Variants in BRD4 observed in about 807,000 individuals in gnomAD.
BRD4 encodes the protein bromodomain containing 4.
Under a neutral mutation model 142.1 loss-of-function variants are expected in BRD4, and 16 were observed. The ratio of observed to expected loss-of-function variants is 0.11; its 90% confidence interval spans 0.08 to 0.17. BRD4 has a LOEUF of 0.17. BRD4 is among the 10% of genes least tolerant of loss of function. BRD4 has a pLI of 1.00. For missense variants in BRD4, 1,424 were observed against 1,810.9 expected (o/e 0.79, Z 3.88); for synonymous variants, 833 against 707.5 (o/e 1.18, Z -2.82).
intron 1 of BRD4, among the ~76,000 whole-genome samples, chr19:15,321,286 G>GA (rs756900485): frequency 1.7e-4 from 25 of 150,486 alleles, no homozygotes; most frequent in South Asian, 1.5e-3. Context: ...AAAAGAGAAA[G>GA]AAGGAAGGAA....
intron 7 of BRD4, among the ~76,000 whole-genome samples, chr19:15,262,736 A>G (rs908991094): frequency 3.3e-5 from 5 of 151,804 alleles, no homozygotes; most frequent in Non-Finnish European, 7.4e-5. Context: ...TAATTAAAAC[A>G]AAAAAAATAG....
At position 15,256,225 on chromosome 19, in the gene BRD4, C is replaced by T. The variant is rs148266455; in HGVS notation, c.1590G>A (p.Gln530=). 450 of 1,613,094 alleles carry T rather than the reference C, an allele frequency of 2.8e-4. 5 individuals carry two copies. The African/African-American group carries it at 5.3e-3, about 19-fold the overall frequency. Residue 530 remains glutamine, a synonymous_variant, in exon 9 of 20, where the codon CAG becomes CAA. Coordinates refer to ENST00000679869, the MANE Select transcript of BRD4 (RefSeq NM_001379291.1). ...TTTTCTTTGGTTTGTTCTGCTGGGGCTGAGAGAGGGCTGCAAGCTGCTCGT... is the reference window on the plus strand; with the variant it reads ...TTTTCTTTGGTTTGTTCTGCTGGGGTTGAGAGAGGGCTGCAAGCTGCTCGT... ...AVHEQLAALS[Q]PQQNKPKKKE...
chr19:15,277,260 C>G (rs2047657498), intron 1 of BRD4, among the ~76,000 whole-genome samples: 1 of 152,138 alleles, frequency 6.6e-6, no homozygotes, highest in South Asian at 2.1e-4. Flanking sequence ...TATCTACTTC[C>G]AACAGAAACC....
chr19:15,302,668 CAAAAAAA>C (rs572714842), intron 1 of BRD4, among the ~76,000 whole-genome samples: 22 of 56,790 alleles, frequency 3.9e-4, no homozygotes, highest in East Asian at 6.4e-4. Flanking sequence ...GACTCCGACT[CAAAAAAA>C]AAAAAAAAAA....
rs1385525732 is a variant in BRD4, at chr19:15,257,028, C to T, written c.1487G>A (p.Ser496Asn). 1 of 1,595,754 alleles carries T rather than the reference C, an allele frequency of 6.3e-7. No individual in the cohort carries two copies. The highest frequency in any genetic ancestry group is 8.5e-7 in the Non-Finnish European group (1 of 1,172,928). The change falls in exon 8 of 20, where the codon AGT becomes AAT. Residue 496 changes from serine to asparagine, a missense_variant. Transcript: ENST00000679869. ...CTCAGAGTCATCAGTCGAACTGTCA[C>T]TGTCCGAGGAGCTATCGCTGCTGCT... ...SDSSSDSSSDSDSSTDDSEEE... is the reference protein window; with the variant it reads ...SDSSSDSSSDNDSSTDDSEEE...
At chr19:15,268,744 A>G (rs1307561948) in intron 3 of BRD4, among the ~76,000 whole-genome samples, 161 bp downstream of exon 3, 1 of 152,038 alleles carries the variant, frequency 6.6e-6, no homozygotes, top group African/African-American at 2.4e-5. Context: ...TCACAGGAAC[A>G]ACCACAGGTC....
chr19:15,291,165 C>G (rs1415521144), intron 1 of BRD4, among the ~76,000 whole-genome samples: 1 of 152,084 alleles, frequency 6.6e-6, no homozygotes, highest in Non-Finnish European at 1.5e-5. Flanking sequence ...CTGGAGTAGG[C>G]CTATAAGGAG....
At chr19:15,257,573 G>C (rs969613876) in intron 7 of BRD4, among the ~76,000 whole-genome samples, 7 of 152,146 alleles carry the variant, frequency 4.6e-5, no homozygotes, top group African/African-American at 1.7e-4. Flanking sequence ...CGGGGGAGCA[G>C]GAGTTGTCTG....
chr19:15,257,450 G>A (rs1032519705), intron 7 of BRD4: 3 of 491,820 alleles, frequency 6.1e-6, no homozygotes, highest in Non-Finnish European at 1.1e-5. Flanking sequence ...CCCAGGCAAG[G>A]ACATGAGACC....
intron 1 of BRD4, among the ~76,000 whole-genome samples, chr19:15,289,860 C>A (rs576335843): frequency 1.3e-5 from 2 of 152,258 alleles, no homozygotes; most frequent in East Asian, 3.9e-4. Context: ...CAGGTCCCTG[C>A]CTGCATAGAC....
At chr19:15,278,985 G>C (rs2047679578) in intron 1 of BRD4, among the ~76,000 whole-genome samples, 1 of 152,142 alleles carries the variant, frequency 6.6e-6, no homozygotes, top group Non-Finnish European at 1.5e-5. Context: ...GGTATTACAA[G>C]CATGCGCCTG....
Position 15,273,360 on chromosome 19 carries a change from C to A in BRD4, c.-34-227G>T, listed in dbSNP as rs143121350. 6.5e-3 allele frequency among the ~76,000 whole-genome samples: 983 copies of A among 152,284 alleles called. 3 individuals are homozygous for A. Among genetic ancestry groups the A allele is most frequent in the Non-Finnish European group, 0.012 (790 of 68,018 alleles). ...GGAGACCACAAACCAACAGAGGAGG[C>A]AGAGTGAGGTGGTGAGAGCCCACTA... is the stretch of plus-strand genomic sequence containing the variant. On this transcript the variant is annotated intron_variant, in intron 1 of 19. Coordinates refer to ENST00000679869, the MANE Select transcript of BRD4 (RefSeq NM_001379291.1).
intron 7 of BRD4, among the ~76,000 whole-genome samples, chr19:15,262,180 G>T (rs1242641197): frequency 1.3e-5 from 2 of 152,178 alleles, no homozygotes; most frequent in Non-Finnish European, 2.9e-5. Flanking sequence ...CAGGCAGGCA[G>T]TGGGGCTCTG....
At chr19:15,269,289 T>C (rs1317156573) in intron 2 of BRD4, among the ~76,000 whole-genome samples, 1 of 152,260 alleles carries the variant, frequency 6.6e-6, no homozygotes, top group African/African-American at 2.4e-5. Flanking sequence ...AACCACTCTA[T>C]CTTGAAATAG....
chr19:15,271,094 G>A (rs1185234073), intron 2 of BRD4, among the ~76,000 whole-genome samples: 1 of 152,088 alleles, frequency 6.6e-6, no homozygotes, highest in Non-Finnish European at 1.5e-5. Context: ...ACCCATACTT[G>A]TCTGTCCCGC....
chr19:15,298,003 A>T (rs1450620718), intron 1 of BRD4, among the ~76,000 whole-genome samples: 1 of 152,252 alleles, frequency 6.6e-6, no homozygotes, highest in Non-Finnish European at 1.5e-5. Context: ...TGGAATCTGC[A>T]GTTGGGAGAG....
chr19:15,306,074 G>C (rs2047911292), intron 1 of BRD4, among the ~76,000 whole-genome samples: 1 of 152,206 alleles, frequency 6.6e-6, no homozygotes, highest in South Asian at 2.1e-4. Flanking sequence ...TTTGGCTTAA[G>C]GGAATATTGC....
At chr19:15,327,400 C>T (rs1389829460) in intron 1 of BRD4, among the ~76,000 whole-genome samples, 1 of 151,974 alleles carries the variant, frequency 6.6e-6, no homozygotes, top group Admixed American at 6.6e-5. Context: ...AAAAATTAGC[C>T]GGGCATGGTG....
At chr19:15,263,296 G>C in intron 7 of BRD4, 124 bp downstream of exon 7, 1 of 1,265,414 alleles carries the variant, frequency 7.9e-7, no homozygotes, top group South Asian at 1.5e-5. Flanking sequence ...CTTTTCTAAA[G>C]CAACATGGCA....
Sources: gnomAD v4.1 joint callset for allele counts (sites outside exome capture counted in the v4.1 genomes callset) on GRCh38, gnomAD v4.1.1 for gene constraint, MANE v1.5 for transcripts, NCBI Gene and HGNC (gene_info 2026-07-23, HGNC 2026-07-21) for gene names.